Variants in CSNK1D observed in about 807,000 individuals in gnomAD.
The protein encoded by CSNK1D is casein kinase I isoform delta.
CSNK1D carries 16 observed loss-of-function variants against 46.6 expected under a neutral mutation model. The ratio of observed to expected loss-of-function variants is 0.34; its 90% CI spans 0.23 to 0.52. The LOEUF is 0.52. Among genes scored for constraint, CSNK1D ranks in the 20% least tolerant of loss-of-function variants. The probability of loss-of-function intolerance (pLI) is 0.95; values close to 1 mark genes in which losing one functional copy is unlikely to be tolerated. For synonymous variants in CSNK1D, 276 were observed against 228.2 expected (o/e 1.21, Z -1.89); for missense variants, 398 against 578.4 (o/e 0.69, Z 3.20).
chr17:82,239,532 C>T (rs1201192940), downstream of CSNK1D: 10 of 177,424 alleles, frequency 5.6e-5, no homozygotes, highest in African/African-American at 9.4e-5. Context: ...TGTCCTGACT[C>T]GCACGTCTGC....
rs2051022002 is a variant in CSNK1D at position 82,251,939 on chromosome 17, A to T, written c.737-412T>A. The T allele has an allele frequency of 3.1e-6, 1 of 324,002 alleles. No homozygotes were observed. Among genetic ancestry groups the T allele is most frequent in the Non-Finnish European group, 5.9e-6 (1 of 169,224 alleles). The allele number at this position is 324,002 out of a possible 1,614,324, so 20.1% of individuals were successfully genotyped here. On this transcript the variant is annotated intron_variant, in intron 5 of 8. Transcript: ENST00000314028. This position sits in a 1 kb window ranked among gnomAD's most constrained non-coding sequence, Gnocchi z 4.5. ...AACCCGGGAGGCGGAGCTTGCAGTG[A>T]GCCGAGATCACGCCACTGCACTCTA...
At position 82,255,301 on chromosome 17, in the gene CSNK1D, G is replaced by A. The variant is rs1168831190; in HGVS notation, c.336+128C>T. The A allele has an allele frequency of 2.6e-6, 3 of 1,155,534 alleles. No homozygotes were observed. The highest frequency in any genetic ancestry group is 3.9e-6 in the Non-Finnish European group (3 of 777,890). The allele number at this position is 1,155,534 out of a possible 1,614,324, so 71.6% of individuals were successfully genotyped here. ...TGAGCTGAGCCACTGCAGCCTCAAG[G>A]CTGAGGCTCAGCAAATTTCCATTTC... On this transcript the variant is annotated intron_variant, in intron 3 of 8. Transcript: ENST00000314028. This position sits in a 1 kb window ranked among gnomAD's most constrained non-coding sequence, Gnocchi z 5.9.
rs2147238971 is a variant in CSNK1D at position 82,273,405 on chromosome 17, C to T, written c.-24G>A. Reference sequence around the variant, plus strand: ...ATGGCGGCGGCGGCCCGATTCGCTCCTGCCCTCCCGGCCGCTTCCTGGGTC... The same window carrying T: ...ATGGCGGCGGCGGCCCGATTCGCTCTTGCCCTCCCGGCCGCTTCCTGGGTC... On this transcript the variant is annotated 5_prime_UTR_variant, in exon 1 of 9. Coordinates refer to ENST00000314028, the MANE Select transcript of CSNK1D (RefSeq NM_001893.6). The surrounding 1 kb of genome is among the most constrained non-coding windows in gnomAD (Gnocchi z 5.1). The T allele has an allele frequency of 1.2e-6, 2 of 1,610,074 alleles. No homozygotes were observed. The highest frequency in any genetic ancestry group is 1.7e-6 in the Non-Finnish European group (2 of 1,179,136).
chr17:82,253,664 C>T (rs1258416959), intron 3 of CSNK1D: 14 of 349,250 alleles, frequency 4.0e-5, no homozygotes, highest in South Asian at 8.9e-5. Flanking sequence ...ATGCTGGTAC[C>T]GAGAAGGTGG....
At chr17:82,244,967 C>T (rs2050812520) in intron 8 of CSNK1D, 136 bp from the exon 9 acceptor site, 9 of 1,108,332 alleles carry the variant, frequency 8.1e-6, no homozygotes, top group Middle Eastern at 2.5e-4. Flanking sequence ...CTGCGTCCCC[C>T]GCCACGCACA....
downstream of CSNK1D, chr17:82,239,917 C>T (rs570883409): frequency 7.7e-6 from 8 of 1,041,742 alleles, no homozygotes; most frequent in Non-Finnish European, 9.8e-6. Flanking sequence ...CACCCACCTG[C>T]CCTCGTGGCC....
chr17:82,265,282 G>A (rs1038298721), intron 2 of CSNK1D: 3 of 310,220 alleles, frequency 9.7e-6, no homozygotes, highest in African/African-American at 6.6e-5. Flanking sequence ...AGACTCAGGC[G>A]ATTCTCCTGC....
At chr17:82,272,846 G>A (rs1025011032) in intron 1 of CSNK1D, among the ~76,000 whole-genome samples, 1 of 152,090 alleles carries the variant, frequency 6.6e-6, no homozygotes. Context: ...AGGCGTAGAG[G>A]AAGCCGACGC....
chr17:82,266,310 C>G (rs1417561610), intron 1 of CSNK1D, among the ~76,000 whole-genome samples: 1 of 152,248 alleles, frequency 6.6e-6, no homozygotes, highest in East Asian at 1.9e-4. Context: ...GGAGTCATCT[C>G]TAGCCAACCT....
chr17:82,271,778 T>A (rs2051631261), intron 1 of CSNK1D, among the ~76,000 whole-genome samples: 1 of 152,178 alleles, frequency 6.6e-6, no homozygotes, highest in Non-Finnish European at 1.5e-5. Flanking sequence ...GGGAAGGGTG[T>A]GAGAACTGGA....
At position 82,273,242 on chromosome 17, in the gene CSNK1D, G is replaced by C. The variant is rs2051684436; in HGVS notation, c.76+64C>G. ...GGCCACCACTTCCTTCCGCGATCGC[G>C]CTTGGTCTTGGCAGCCGCAGGGCCC... On this transcript the variant is annotated intron_variant, in intron 1 of 8. Transcript: ENST00000314028. The surrounding 1 kb of genome is among the most constrained non-coding windows in gnomAD (Gnocchi z 5.1). 1 of 1,509,664 alleles carries C rather than the reference G, an allele frequency of 6.6e-7. No individual in the cohort carries two copies. Among genetic ancestry groups the C allele is most frequent in the East Asian group, 2.3e-5 (1 of 42,600 alleles). 93.5% of individuals were successfully genotyped at this position (1,509,664 alleles called of 1,614,324 possible). A position where few individuals can be genotyped will look rare whatever the true frequency, so the allele number is the denominator to read the frequency against.
rs2050935754 is a variant in CSNK1D, at chr17:82,249,325, AG to A, written c.1057+105del. 3 of 1,215,966 alleles carry A rather than the reference AG, an allele frequency of 2.5e-6. No individual in the cohort carries two copies. Among genetic ancestry groups the A allele is most frequent in the African/African-American group, 1.5e-5 (1 of 66,992 alleles). The allele number at this position is 1,215,966 out of a possible 1,614,324, so 75.3% of individuals were successfully genotyped here. On this transcript the variant is annotated intron_variant, in intron 7 of 8. Transcript: ENST00000314028. The surrounding 1 kb of genome is among the most constrained non-coding windows in gnomAD (Gnocchi z 6.7). The stretch of plus-strand genomic sequence containing the variant: ...CTCAGGAGCGAGCATCGCCTGACAC[AG>A]GGCACTTAGTGTCCACCACCAAGTA...
At chr17:82,242,458 G>C (rs377584349), downstream of CSNK1D, among the ~76,000 whole-genome samples, 4 of 152,174 alleles carry the variant, frequency 2.6e-5, no homozygotes, top group African/African-American at 9.7e-5. Context: ...CAGAGCCCAA[G>C]GGGGCAGCAC....
At position 82,249,210 on chromosome 17, in the gene CSNK1D, C is replaced by G. The variant is rs1599581537; in HGVS notation, c.1058-196G>C. On this transcript the variant is annotated intron_variant, in intron 7 of 8. Coordinates refer to ENST00000314028, the MANE Select transcript of CSNK1D (RefSeq NM_001893.6). The surrounding 1 kb of genome is among the most constrained non-coding windows in gnomAD (Gnocchi z 6.7). ...CATGGGAGCGAGGTCAAGGGGCTCA[C>G]AGGGGAGGAACGTGAGATGCGGGAG... The G allele has an allele frequency of 1.3e-6, 1 of 791,140 alleles. No homozygotes were observed. Among genetic ancestry groups the G allele is most frequent in the Non-Finnish European group, 2.0e-6 (1 of 506,892 alleles). 49.0% of individuals were successfully genotyped at this position (791,140 alleles called of 1,614,324 possible).
intron 1 of CSNK1D, chr17:82,266,883 ACCCCAT>A (rs1172924551): frequency 6.6e-6 from 1 of 152,006 alleles, no homozygotes; most frequent in Admixed American, 6.6e-5. Context: ...ACACGGTGAA[ACCCCAT>A]CTCTACTAAA....
chr17:82,256,646 T>C (rs1029475820), intron 2 of CSNK1D, among the ~76,000 whole-genome samples: 8 of 152,114 alleles, frequency 5.3e-5, no homozygotes, highest in Middle Eastern at 3.2e-3. Context: ...GGTAAAAACA[T>C]GCACAGGAAT....
chr17:82,239,098 C>A, downstream of CSNK1D: 2 of 940,402 alleles, frequency 2.1e-6, no homozygotes, highest in Middle Eastern at 3.5e-4. Flanking sequence ...GCCGGCCCAG[C>A]GGATCGTCGC....
Position 82,242,916 on chromosome 17 carries a change from G to C in CSNK1D, c.*1865C>G. 2 of 985,436 alleles carry C rather than the reference G, an allele frequency of 2.0e-6. No homozygotes were observed. Among genetic ancestry groups the C allele is most frequent in the Non-Finnish European group, 2.4e-6 (2 of 829,946 alleles). 61.0% of individuals were successfully genotyped at this position (985,436 alleles called of 1,614,324 possible). On this transcript the variant is annotated 3_prime_UTR_variant, in exon 9 of 9. Transcript: ENST00000314028. ...AGAGCTGCCTCGCACAAACGTTCTGGGCACTACATCGGGACCACAGATATT... is the reference window on the plus strand; with the variant it reads ...AGAGCTGCCTCGCACAAACGTTCTGCGCACTACATCGGGACCACAGATATT...
In CSNK1D at chr17:82,248,730, C is replaced by A. The variant is rs1049133378; in HGVS notation, c.1197+145G>T. 1 of 1,478,568 alleles carries A rather than the reference C, an allele frequency of 6.8e-7. No homozygotes were observed. Among genetic ancestry groups the A allele is most frequent in the Non-Finnish European group, 9.0e-7 (1 of 1,115,880 alleles). 91.6% of individuals were successfully genotyped at this position (1,478,568 alleles called of 1,614,324 possible). Reference sequence around the variant, plus strand: ...CCTCCCGAGAAGCCTCATCTGCAACCAAGACGCCACACCCTGGCGAGATTA... The same window carrying A: ...CCTCCCGAGAAGCCTCATCTGCAACAAAGACGCCACACCCTGGCGAGATTA... On this transcript the variant is annotated intron_variant, in intron 8 of 8. Transcript: ENST00000314028. The surrounding 1 kb of genome is among the most constrained non-coding windows in gnomAD (Gnocchi z 4.1).
Sources: allele counts gnomAD v4.1 joint callset (sites outside exome capture counted in the v4.1 genomes callset), GRCh38; gene constraint gnomAD v4.1.1; non-coding constraint Gnocchi (gnomAD v3.1); transcripts MANE v1.5; gene names NCBI Gene and HGNC (gene_info 2026-07-23, HGNC 2026-07-21).